Variants in PURG observed in about 807,000 individuals in gnomAD.
PURG encodes purine rich element binding protein G, also known as purine-rich element-binding protein gamma.
In PURG, 3 loss-of-function variants were observed where a neutral mutation model predicts 24.3. The observed-to-expected ratio is 0.12, with a 90% CI of 0.06 to 0.32. The LOEUF (loss-of-function observed/expected upper bound fraction) is 0.32, where lower values mean the gene tolerates loss of function less well. Among genes scored for constraint, PURG ranks in the 10% least tolerant of loss-of-function variants. The pLI, the probability that PURG is intolerant of heterozygous loss-of-function variation, is 1.00. For missense variants in PURG, 371 were observed against 439.1 expected (o/e 0.84, Z 1.39); for synonymous variants, 180 against 173.1 (o/e 1.04, Z -0.31).
In PURG at chr8:31,009,688, T is replaced by C. The variant is rs189268953; in HGVS notation, c.865-12991A>G. Among the ~76,000 whole-genome samples the C allele has an allele frequency of 3.9e-5, 6 of 152,332 alleles. No homozygotes were observed. In the East Asian group the frequency reaches 9.6e-4, roughly 24 times the overall value. On this transcript the variant is annotated intron_variant, in intron 1 of 1. Transcript: ENST00000339382. ...ATACAACATAATAAATGTGATTAAA[T>C]TTTGCATGCACAAATGAGAATACTG...
chr8:31,018,806 C>A (rs539500900), intron 1 of PURG, among the ~76,000 whole-genome samples: 2 of 151,996 alleles, frequency 1.3e-5, no homozygotes, highest in East Asian at 3.9e-4. Flanking sequence ...ACAATGTAAT[C>A]CACTAGAATG....
At chr8:31,022,057 G>A (rs943607936) in intron 1 of PURG, among the ~76,000 whole-genome samples, 1 of 148,682 alleles carries the variant, frequency 6.7e-6, no homozygotes, top group East Asian at 2.0e-4. Flanking sequence ...TGCAACCTCC[G>A]CCTCCTAGGT....
Position 31,031,856 on chromosome 8 carries a change from C to T in PURG, c.927G>A (p.Arg309=). The change falls in exon 2 of 2, where the codon AGG becomes AGA. Residue 309 remains arginine (R), a synonymous_variant. Transcript: ENST00000523392. ...TITVPFKAWT[R]FGENFIKYEE... ...CATACTTGATAAAATTCTCCCCAAA[C>T]CTTGTCCAAGCTTTGAATGGAACAG... 1 of 1,608,620 alleles carries T rather than the reference C, an allele frequency of 6.2e-7. No individual in the cohort carries two copies. Among genetic ancestry groups the T allele is most frequent in the Non-Finnish European group, 8.5e-7 (1 of 1,177,028 alleles).
chr8:30,998,322 C>T (rs1810468079), intron 1 of PURG, among the ~76,000 whole-genome samples: 1 of 151,576 alleles, frequency 6.6e-6, no homozygotes, highest in Non-Finnish European at 1.5e-5. Context: ...CCATAAGAGG[C>T]TTCAGAAAAA....
intron 1 of PURG, chr8:30,996,757 A>G (rs1810437107): frequency 8.1e-7 from 1 of 1,240,816 alleles, no homozygotes; most frequent in Admixed American, 1.7e-5. Context: ...GAGTTCCACT[A>G]TTTTCACAGT....
downstream of PURG, among the ~76,000 whole-genome samples, chr8:31,026,246 C>T (rs967317779): frequency 1.3e-5 from 2 of 151,490 alleles, no homozygotes; most frequent in African/African-American, 2.4e-5. Context: ...TTAGGGAATA[C>T]GGTTTAAGAT....
intron 1 of PURG, among the ~76,000 whole-genome samples, chr8:31,006,203 T>C (rs1810647250): frequency 6.6e-6 from 1 of 152,088 alleles, no homozygotes; most frequent in African/African-American, 2.4e-5. Flanking sequence ...ATTCTAAAAA[T>C]AAGTAAGTGA....
downstream of PURG, among the ~76,000 whole-genome samples, chr8:31,027,731 T>C (rs1024612599): frequency 1.3e-5 from 2 of 151,772 alleles, no homozygotes; most frequent in Non-Finnish European, 3.0e-5. Flanking sequence ...TCTTGATGAA[T>C]TGTTAGTACA....
At chr8:31,011,604 A>G (rs1324067707) in intron 1 of PURG, among the ~76,000 whole-genome samples, 1 of 152,210 alleles carries the variant, frequency 6.6e-6, no homozygotes, top group Non-Finnish European at 1.5e-5. Flanking sequence ...ATACACTTCC[A>G]TATGTACCAA....
chr8:31,027,677 T>C (rs1490327256), downstream of PURG, among the ~76,000 whole-genome samples: 1 of 151,724 alleles, frequency 6.6e-6, no homozygotes, highest in African/African-American at 2.4e-5. Flanking sequence ...ATATAATTTA[T>C]TCTTATCTAT....
chr8:31,021,262 T>C (rs1356401067), intron 1 of PURG, among the ~76,000 whole-genome samples: 1 of 152,186 alleles, frequency 6.6e-6, no homozygotes, highest in African/African-American at 2.4e-5. Flanking sequence ...TAACCAGTTG[T>C]TTTTGGTTCA....
chr8:31,005,377 G>A lies in PURG; in HGVS notation c.865-8680C>T, dbSNP rs1810620862. ...AAAGCTGGGAGGTGGGGGTTGCAGCGAGCTGAGATTGTGACACTGCACTCC... is the reference window on the plus strand; with the variant it reads ...AAAGCTGGGAGGTGGGGGTTGCAGCAAGCTGAGATTGTGACACTGCACTCC... On this transcript the variant is annotated intron_variant, in intron 1 of 1. Coordinates refer to the PURG transcript ENST00000339382. Among the ~76,000 whole-genome samples, 3 of 151,318 alleles carry A rather than the reference G, an allele frequency of 2.0e-5. No individual in the cohort carries two copies. In the South Asian group the frequency reaches 6.3e-4, roughly 32 times the overall value.
intron 1 of PURG, among the ~76,000 whole-genome samples, chr8:31,010,153 C>T (rs1055619021): frequency 5.9e-5 from 9 of 152,180 alleles, no homozygotes; most frequent in Middle Eastern, 3.2e-3. Flanking sequence ...AAGATTTACT[C>T]GCTGTTTAAT....
At chr8:31,017,509 A>G (rs1214240748) in intron 1 of PURG, among the ~76,000 whole-genome samples, 3 of 152,130 alleles carry the variant, frequency 2.0e-5, no homozygotes, top group African/African-American at 4.8e-5. Context: ...GAAATGTGCA[A>G]TATAGTTTAT....
At chr8:31,028,853 T>C (rs1811137505), downstream of PURG, among the ~76,000 whole-genome samples, 1 of 151,822 alleles carries the variant, frequency 6.6e-6, no homozygotes, top group African/African-American at 2.4e-5. Flanking sequence ...CTTGGATTAT[T>C]AGGTGCAAAC....
intron 1 of PURG, among the ~76,000 whole-genome samples, chr8:31,000,123 G>A (rs1231251864): frequency 6.6e-6 from 1 of 151,974 alleles, no homozygotes; most frequent in African/African-American, 2.4e-5. Context: ...GCCTTAGCTG[G>A]TCATTCCTAT....
At chr8:31,029,067 A>G (rs183642867), downstream of PURG, among the ~76,000 whole-genome samples, 1 of 152,026 alleles carries the variant, frequency 6.6e-6, no homozygotes, top group Admixed American at 6.5e-5. Context: ...TTGCACAGAT[A>G]AGAATAGTAG....
Position 31,032,749 on chromosome 8 carries a change from C to G in PURG, c.34G>C (p.Gly12Arg). 7.0e-7 allele frequency: 1 copy of G among 1,429,186 alleles called. No homozygotes were observed. Among genetic ancestry groups the G allele is most frequent in the Non-Finnish European group, 9.2e-7 (1 of 1,087,446 alleles). 88.5% of individuals were successfully genotyped at this position (1,429,186 alleles called of 1,614,324 possible). A position where few individuals can be genotyped will look rare whatever the true frequency, so the allele number is the denominator to read the frequency against. ...ERARRRGGGG[G>R]RGRGGKNVGG... ...ACATTCTTGCCTCCGCGGCCGCGGC[C>G]GCCGCCGCCTCCCCTTCGCCTGGCT... The change falls in exon 2 of 2, where the codon GGC becomes CGC. Residue 12 changes from glycine (G) to arginine (R), a missense_variant. Coordinates refer to ENST00000523392, the MANE Select transcript of PURG (RefSeq NM_001323311.2). The surrounding 1 kb of genome is among the most constrained non-coding windows in gnomAD (Gnocchi z 5.9).
intron 1 of PURG, among the ~76,000 whole-genome samples, chr8:31,025,647 T>C (rs1252823694): frequency 6.6e-6 from 1 of 151,828 alleles, no homozygotes; most frequent in Non-Finnish European, 1.5e-5. Flanking sequence ...GGATCTTTCA[T>C]TTTTCAGATA....
Sources: allele counts gnomAD v4.1 joint callset (sites outside exome capture counted in the v4.1 genomes callset), GRCh38; gene constraint gnomAD v4.1.1; non-coding constraint Gnocchi (gnomAD v3.1); transcripts MANE v1.5; gene names NCBI Gene and HGNC (gene_info 2026-07-23, HGNC 2026-07-21).